Variants in PTPA observed in about 807,000 individuals in gnomAD.
PTPA encodes the protein serine/threonine-protein phosphatase 2A activator.
A neutral mutation model predicts 43.6 loss-of-function variants in PTPA; 13 were observed. That is an observed-to-expected ratio of 0.30 (90% confidence interval 0.19 to 0.47). PTPA has a LOEUF of 0.47. PTPA is among the 20% of genes least tolerant of loss of function. The pLI is 0.99. For missense variants in PTPA, 329 were observed against 411.9 expected, an observed-to-expected ratio of 0.80 and a Z score of 1.74; for synonymous variants, 172 against 158.2, an observed-to-expected ratio of 1.09 and a Z score of -0.66.
rs893566624 is a variant in PTPA, at chr9:129,137,865, T to C, written c.786+173T>C. On this transcript the variant is annotated intron_variant, in intron 8 of 9. Coordinates refer to ENST00000393370, the MANE Select transcript of PTPA (RefSeq NM_178000.3). ...ACTGGGCCTCTTCCGAAAGAGCCGC[T>C]GCTGACTGTCAGGTCCTCCGCCCAG... 17 of 673,708 alleles carry C rather than the reference T, an allele frequency of 2.5e-5. No homozygotes were observed. In the East Asian group the frequency reaches 4.8e-4, roughly 19 times the overall value. 41.7% of individuals were successfully genotyped at this position (673,708 alleles called of 1,614,324 possible).
intron 6 of PTPA, 103 bp downstream of exon 6, chr9:129,134,997 A>C (rs1850263613): frequency 1.1e-6 from 1 of 939,918 alleles, no homozygotes; most frequent in Non-Finnish European, 1.6e-6. Flanking sequence ...TGAGTAGCTC[A>C]TGGTTCTCTT....
chr9:129,119,992 C>T (rs1273989577), intron 1 of PTPA, among the ~76,000 whole-genome samples: 2 of 152,112 alleles, frequency 1.3e-5, no homozygotes, highest in Non-Finnish European at 2.9e-5. Context: ...GGCGCTTTGG[C>T]TCATACCTGT....
At chr9:129,116,690 C>T (rs956542859) in intron 1 of PTPA, among the ~76,000 whole-genome samples, 4 of 150,710 alleles carry the variant, frequency 2.7e-5, no homozygotes, top group South Asian at 2.1e-4. Flanking sequence ...CGGCCACACC[C>T]GGCTAATTTT....
chr9:129,143,473 G>T, intron 9 of PTPA: 2 of 702,392 alleles, frequency 2.8e-6, no homozygotes, highest in Non-Finnish European at 5.2e-6. Context: ...GGCTGCTCCA[G>T]GTCTTCATTG....
upstream of PTPA, chr9:129,111,384 C>G (rs918781726): frequency 7.3e-6 from 9 of 1,233,732 alleles, no homozygotes; most frequent in African/African-American, 6.3e-5. Context: ...GCGCGCCGGC[C>G]GTTAATAGGC....
chr9:129,143,131 G>C (rs1851016733), intron 9 of PTPA: 1 of 612,140 alleles, frequency 1.6e-6, no homozygotes, highest in Non-Finnish European at 2.9e-6. Flanking sequence ...AGCTCCCCCT[G>C]CTGGCAGGCA....
chr9:129,132,181 G>A (rs555905029), intron 5 of PTPA, among the ~76,000 whole-genome samples: 14 of 152,224 alleles, frequency 9.2e-5, no homozygotes, highest in Non-Finnish European at 1.9e-4. Flanking sequence ...AAAGGGAAGT[G>A]TAGACAGGTG....
At chr9:129,115,672 T>C (rs1234396059) in intron 1 of PTPA, among the ~76,000 whole-genome samples, 1 of 151,128 alleles carries the variant, frequency 6.6e-6, no homozygotes, top group African/African-American at 2.4e-5. Flanking sequence ...GGAGTTTCAC[T>C]CTTGTTGCCC....
intron 4 of PTPA, 73 bp downstream of exon 4, chr9:129,129,183 C>A: frequency 6.3e-7 from 1 of 1,583,180 alleles, no homozygotes; most frequent in Non-Finnish European, 8.6e-7. Flanking sequence ...TGGGGAAGGG[C>A]CTGCATTGTA....
At chr9:129,131,821 G>T (rs1416924563) in intron 5 of PTPA, among the ~76,000 whole-genome samples, 182 bp downstream of exon 5, 2 of 152,228 alleles carry the variant, frequency 1.3e-5, no homozygotes, top group Non-Finnish European at 2.9e-5. Flanking sequence ...TAGGCATGCA[G>T]GGAGGCCCGG....
At chr9:129,116,226 C>T (rs1848853380) in intron 1 of PTPA, among the ~76,000 whole-genome samples, 1 of 151,820 alleles carries the variant, frequency 6.6e-6, no homozygotes, top group Admixed American at 6.6e-5. Context: ...GCTCTGTTGC[C>T]CAGGCTGGAG....
chr9:129,113,671 G>A (rs1242691250), intron 1 of PTPA, among the ~76,000 whole-genome samples: 1 of 152,056 alleles, frequency 6.6e-6, no homozygotes, highest in African/African-American at 2.4e-5. Context: ...TCGGGAGGCT[G>A]AGGCAGGAGA....
At chr9:129,145,845 CA>C (rs1363545786) in intron 9 of PTPA, among the ~76,000 whole-genome samples, 4 of 152,130 alleles carry the variant, frequency 2.6e-5, no homozygotes, top group Admixed American at 6.5e-5. Context: ...GCTGGAAGGT[CA>C]GGGGGCAGTC....
intron 6 of PTPA, among the ~76,000 whole-genome samples, chr9:129,136,053 T>C (rs988659532): frequency 2.0e-4 from 31 of 152,220 alleles, no homozygotes; most frequent in African/African-American, 7.2e-4. Context: ...CTGCAAGCTC[T>C]GCCTCCTGGG....
intron 8 of PTPA, chr9:129,139,682 G>A (rs1241942673): frequency 6.6e-6 from 1 of 152,266 alleles, no homozygotes; most frequent in African/African-American, 2.4e-5. Context: ...CTGGGGACCT[G>A]GAGGCTTGCA....
chr9:129,141,801 C>G (rs544091157), intron 8 of PTPA: 9 of 152,358 alleles, frequency 5.9e-5, no homozygotes, highest in Admixed American at 3.9e-4. Flanking sequence ...CATCGGCCCT[C>G]TCTTCCCTGC....
chr9:129,142,371 A>G, intron 8 of PTPA, 74 bp from the exon 9 acceptor site: 1 of 1,368,072 alleles, frequency 7.3e-7, no homozygotes, highest in Non-Finnish European at 1.0e-6. Context: ...CATGGGTGTG[A>G]CTTTGCTGCA....
At position 129,129,583 on chromosome 9, in the gene PTPA, C is replaced by G. The variant is rs4837341; in HGVS notation, c.342+473C>G. Among the ~76,000 whole-genome samples the G allele has an allele frequency of 6.3e-3, 963 of 152,108 alleles. 23 individuals are homozygous for G. In the East Asian group the frequency reaches 0.089, roughly 14 times the overall value. ...CTCCTGGGTTCACGCCATTCTCCTG[C>G]CTCAGCCTTCCGAGTAGCTGGGACT... On this transcript the variant is annotated intron_variant, in intron 4 of 9. Transcript: ENST00000393370.
Position 129,134,872 on chromosome 9 carries a change from A to T in PTPA, c.538A>T (p.Ile180Phe). The T allele has an allele frequency of 6.2e-7, 1 of 1,613,448 alleles. No homozygotes were observed. The highest frequency in any genetic ancestry group is 8.5e-7 in the Non-Finnish European group (1 of 1,179,812). The change falls in exon 6 of 10, where the codon ATT (isoleucine) becomes TTT (phenylalanine). Residue 180 changes from isoleucine to phenylalanine, a missense_variant. Coordinates refer to ENST00000393370, the MANE Select transcript of PTPA (RefSeq NM_178000.3). The stretch of plus-strand genomic sequence containing the variant: ...GCTCCGGGTGGATGACCAAATAGCT[A>T]TTGTCTTCAAGGTGTTCAATCGGTG... ...GVLRVDDQIA[I>F]VFKVFNRYLE...
Sources: gnomAD v4.1 joint callset for allele counts (sites outside exome capture counted in the v4.1 genomes callset) on GRCh38, gnomAD v4.1.1 for gene constraint, MANE v1.5 for transcripts, NCBI Gene and HGNC (gene_info 2026-07-23, HGNC 2026-07-21) for gene names.